Variants in PCNX2 observed in about 807,000 individuals in gnomAD.
PCNX2 encodes pecanex 2.
In PCNX2, 168 loss-of-function variants were observed where a neutral mutation model predicts 223.8. The observed-to-expected ratio is 0.75, with a 90% CI of 0.66 to 0.85. The LOEUF (loss-of-function observed/expected upper bound fraction) is 0.85, where lower values mean the gene tolerates loss of function less well. Among genes scored for constraint, PCNX2 ranks in the 40% least tolerant of loss-of-function variants. The pLI is 0.00. For synonymous variants in PCNX2, 1,006 were observed against 1,052.6 expected (o/e 0.96, Z 0.86); for missense variants, 2,507 against 2,675.5 (o/e 0.94, Z 1.39).
rs12064929 is a variant in PCNX2 at position 233,200,459 on chromosome 1, G to C, written c.2864-195C>G. Among the ~76,000 whole-genome samples, 558 of 142,002 alleles carry C rather than the reference G, an allele frequency of 3.9e-3. 2 individuals carry two copies. The highest frequency in any genetic ancestry group is 0.014 in the African/African-American group (518 of 37,148). The allele number at this position is 142,002 out of a possible 152,430, so 93.2% of individuals were successfully genotyped here. ...GGCTGGAGTGCAGTGGCGCGATCTC[G>C]GCTCACTGCAACCTCCATGGAAGCA... On this transcript the variant is annotated intron_variant, in intron 13 of 33. Transcript: ENST00000258229.
chr1:233,061,860 G>A (rs2102886970), intron 23 of PCNX2, among the ~76,000 whole-genome samples: 1 of 152,214 alleles, frequency 6.6e-6, no homozygotes, highest in South Asian at 2.1e-4. Flanking sequence ...CTGGGTTCAA[G>A]CGATTCCCCT....
chr1:233,266,651 T>C (rs190673110), intron 1 of PCNX2, among the ~76,000 whole-genome samples: 3 of 152,288 alleles, frequency 2.0e-5, no homozygotes, highest in Admixed American at 2.0e-4. Context: ...GTTCCTAAAT[T>C]TTCCCCTTGA....
chr1:233,079,901 G>T (rs577916130), intron 23 of PCNX2, among the ~76,000 whole-genome samples: 103 of 152,278 alleles, frequency 6.8e-4, no homozygotes, highest in African/African-American at 2.5e-3. Flanking sequence ...AAACACTAAA[G>T]TCCCGGAACT....
chr1:233,287,576 T>C (rs1168470832), intron 1 of PCNX2, among the ~76,000 whole-genome samples: 1 of 152,212 alleles, frequency 6.6e-6, no homozygotes, highest in Non-Finnish European at 1.5e-5. Flanking sequence ...TCATTTGCCT[T>C]GTGCCATGAC....
chr1:233,119,107 G>C (rs1675599783), intron 21 of PCNX2, among the ~76,000 whole-genome samples: 1 of 151,994 alleles, frequency 6.6e-6, no homozygotes, highest in African/African-American at 2.4e-5. Flanking sequence ...AGGAAGGAAA[G>C]ACAGTCATTT....
intron 25 of PCNX2, among the ~76,000 whole-genome samples, chr1:233,029,317 C>A (rs113268473): frequency 3.3e-5 from 5 of 152,248 alleles, no homozygotes; most frequent in African/African-American, 9.6e-5. Flanking sequence ...TAAGACATTA[C>A]AATGGAATAT....
At chr1:233,151,688 T>G (rs1677819026) in intron 19 of PCNX2, among the ~76,000 whole-genome samples, 1 of 152,196 alleles carries the variant, frequency 6.6e-6, no homozygotes, top group Admixed American at 6.5e-5. Context: ...ATTTATTTAT[T>G]TTTGAGACAA....
rs1659548071 is a variant in PCNX2 at position 233,253,017 on chromosome 1, A to G, written c.1835-229T>C. ...TGAGACATGTTATTTAGGTGTCTAC[A>G]AACACCTACTATTTTATATACAGGT... On this transcript the variant is annotated intron_variant, in intron 5 of 33. Coordinates refer to ENST00000258229, the MANE Select transcript of PCNX2 (RefSeq NM_014801.4). This position sits in a 1 kb window ranked among gnomAD's most constrained non-coding sequence, Gnocchi z 4.2. Among the ~76,000 whole-genome samples, 1 of 152,224 alleles carries G rather than the reference A, an allele frequency of 6.6e-6. No individual in the cohort carries two copies. The highest frequency in any genetic ancestry group is 1.5e-5 in the Non-Finnish European group (1 of 68,042).
chr1:233,250,607 C>A, intron 8 of PCNX2, 132 bp downstream of exon 8: 1 of 1,320,310 alleles, frequency 7.6e-7, no homozygotes, highest in Non-Finnish European at 9.7e-7. Flanking sequence ...TTCTTTCATA[C>A]AAAACCACAT....
At chr1:233,023,289 G>A (rs934096993) in intron 26 of PCNX2, among the ~76,000 whole-genome samples, 12 of 152,170 alleles carry the variant, frequency 7.9e-5, no homozygotes, top group African/African-American at 2.7e-4. Flanking sequence ...GTGAACACAC[G>A]ATTTCATTCT....
chr1:233,188,620 T>C (rs1444552604), intron 15 of PCNX2, among the ~76,000 whole-genome samples: 2 of 152,038 alleles, frequency 1.3e-5, no homozygotes, highest in Non-Finnish European at 2.9e-5. Flanking sequence ...CCTCCTGGGT[T>C]CAAGTGATTC....
At chr1:233,061,554 ACAGCT>A (rs1411740956) in intron 23 of PCNX2, among the ~76,000 whole-genome samples, 1 of 151,970 alleles carries the variant, frequency 6.6e-6, no homozygotes, top group African/African-American at 2.4e-5. Context: ...AAGACCACAA[ACAGCT>A]CAGTTTGGCT....
intron 1 of PCNX2, chr1:233,293,883 G>A: frequency 1.1e-6 from 1 of 886,158 alleles, no homozygotes; most frequent in South Asian, 5.2e-5. Flanking sequence ...TGCTCCTCAT[G>A]ACTTTGCTAT....
chr1:233,010,063 A>ATTTT lies in PCNX2; in HGVS notation c.4952+4601_4952+4602insAAAA, dbSNP rs1670410356. On this transcript the variant is annotated intron_variant, in intron 28 of 33. Coordinates refer to ENST00000258229, the MANE Select transcript of PCNX2 (RefSeq NM_014801.4). ...CTAGGTCAGATATTGCATCCTGTTT[A>ATTTT]CTTTATCAGATTCTGATTTCTGAGT... is the stretch of plus-strand genomic sequence containing the variant. Among the ~76,000 whole-genome samples the ATTTT allele has an allele frequency of 2.7e-5, 3 of 111,558 alleles. No homozygotes were observed. In the South Asian group the frequency reaches 7.5e-4, roughly 28 times the overall value. 73.2% of individuals were successfully genotyped at this position (111,558 alleles called of 152,430 possible). A position where few individuals can be genotyped will look rare whatever the true frequency, so the allele number is the denominator to read the frequency against.
chr1:233,232,448 C>T (rs701174), intron 9 of PCNX2, among the ~76,000 whole-genome samples: 111,247 of 152,136 alleles, frequency 0.73, 41,744 homozygotes, highest in African/African-American at 0.89. Flanking sequence ...ATATTTTCAA[C>T]TTATGATGGA....
intron 10 of PCNX2, among the ~76,000 whole-genome samples, chr1:233,219,634 A>T (rs184002888): frequency 9.9e-5 from 15 of 152,276 alleles, no homozygotes; most frequent in Non-Finnish European, 1.8e-4. Flanking sequence ...ATTTAAAAAA[A>T]AATAATAGGA....
At chr1:233,250,262 T>G (rs1659376491) in intron 8 of PCNX2, among the ~76,000 whole-genome samples, 1 of 90,332 alleles carries the variant, frequency 1.1e-5, no homozygotes, top group African/African-American at 4.6e-5. Context: ...AATATCAACT[T>G]CATCAACTAA....
At chr1:233,256,363 C>T (rs1441843753) in intron 5 of PCNX2, among the ~76,000 whole-genome samples, 1 of 152,102 alleles carries the variant, frequency 6.6e-6, no homozygotes, top group African/African-American at 2.4e-5. Context: ...GAAGAAACTC[C>T]AACACAGATG....
chr1:233,084,405 G>A (rs2102928047), intron 23 of PCNX2, among the ~76,000 whole-genome samples: 1 of 152,304 alleles, frequency 6.6e-6, no homozygotes, highest in East Asian at 1.9e-4. Context: ...CATAGATGAT[G>A]CTTAATACAC....
Sources: allele counts gnomAD v4.1 joint callset (sites outside exome capture counted in the v4.1 genomes callset), GRCh38; gene constraint gnomAD v4.1.1; non-coding constraint Gnocchi (gnomAD v3.1); transcripts MANE v1.5; gene names NCBI Gene and HGNC (gene_info 2026-07-23, HGNC 2026-07-21).